The following SLC6A17 variants were observed in gnomAD, a reference collection of about 807,000 sequenced individuals.
The protein encoded by SLC6A17 is solute carrier family 6 member 17.
A neutral mutation model predicts 64.5 loss-of-function variants in SLC6A17; 21 were observed. The ratio of observed to expected loss-of-function variants is 0.33; its 90% CI spans 0.23 to 0.47. SLC6A17 has a LOEUF of 0.47. Ranked by LOEUF, SLC6A17 falls within the 20% of genes least tolerant of loss-of-function variation. The pLI, the probability that SLC6A17 is intolerant of heterozygous loss-of-function variation, is 1.00. For synonymous variants in SLC6A17, 372 were observed against 399.5 expected, an observed-to-expected ratio of 0.93 and a Z score of 0.82; for missense variants, 682 against 963.2, an observed-to-expected ratio of 0.71 and a Z score of 3.86.
intron 1 of SLC6A17, among the ~76,000 whole-genome samples, chr1:110,165,391 A>G (rs1332746557): frequency 6.6e-6 from 1 of 152,048 alleles, no homozygotes; most frequent in Non-Finnish European, 1.5e-5. Flanking sequence ...TCTTATAGGG[A>G]ATTCTGTGGT....
At chr1:110,159,911 A>G (rs77773301) in intron 1 of SLC6A17, among the ~76,000 whole-genome samples, 1 of 152,212 alleles carries the variant, frequency 6.6e-6, no homozygotes. Flanking sequence ...CCATCATATC[A>G]TATTTATCAT....
Position 110,172,236 on chromosome 1 carries a change from C to T in SLC6A17, c.444+19C>T, listed in dbSNP as rs759459907. 1 of 1,563,274 alleles carries T rather than the reference C, an allele frequency of 6.4e-7. No homozygotes were observed. The highest frequency in any genetic ancestry group is 8.6e-7 in the Non-Finnish European group (1 of 1,156,574). On this transcript the variant is annotated intron_variant, in intron 3 of 11. Transcript: ENST00000331565. ...CTGCATAGTGAGTCAAGGGCTGGGG[C>T]AGGCACTGAGTGGGAGGCAGGGGGC...
chr1:110,158,881 C>T (rs1182759252), intron 1 of SLC6A17, among the ~76,000 whole-genome samples: 1 of 152,156 alleles, frequency 6.6e-6, no homozygotes, highest in Admixed American at 6.5e-5. Context: ...CAATCAATAG[C>T]TGTTTCAAAA....
At chr1:110,158,099 C>G (rs4838930) in intron 1 of SLC6A17, among the ~76,000 whole-genome samples, 51,544 of 152,024 alleles carry the variant, frequency 0.34, 10,693 homozygotes, top group Non-Finnish European at 0.46. Flanking sequence ...CTATTTGTCC[C>G]TCTGCACTAG....
At chr1:110,160,206 A>G (rs1465851754) in intron 1 of SLC6A17, among the ~76,000 whole-genome samples, 4 of 152,228 alleles carry the variant, frequency 2.6e-5, no homozygotes, top group African/African-American at 7.2e-5. Context: ...GGCTCTCCCC[A>G]TGTGTGCTGC....
intron 1 of SLC6A17, among the ~76,000 whole-genome samples, chr1:110,153,519 A>ATGTGTGTG (rs3222731): frequency 1.4e-3 from 190 of 137,350 alleles, no homozygotes; most frequent in African/African-American, 3.6e-3. Context: ...GCTACTGGAA[A>ATGTGTGTG]TGTGTGTGTG....
intron 1 of SLC6A17, among the ~76,000 whole-genome samples, chr1:110,161,512 A>T (rs1655908219): frequency 6.6e-6 from 1 of 152,054 alleles, no homozygotes; most frequent in African/African-American, 2.4e-5. Flanking sequence ...GGGTAGCAGG[A>T]TCAGGAGCAC....
intron 1 of SLC6A17, among the ~76,000 whole-genome samples, chr1:110,165,598 G>A (rs1401835195): frequency 6.6e-6 from 1 of 152,202 alleles, no homozygotes; most frequent in Admixed American, 6.5e-5. Context: ...CATTACATGT[G>A]TAACAGGGCC....
At chr1:110,193,220 C>A (rs949332794) in intron 8 of SLC6A17, among the ~76,000 whole-genome samples, 4 of 152,118 alleles carry the variant, frequency 2.6e-5, no homozygotes, top group Non-Finnish European at 5.9e-5. Flanking sequence ...TTAGTTGGGT[C>A]CAAATCCAGT....
chr1:110,165,198 C>T (rs994974090), intron 1 of SLC6A17, among the ~76,000 whole-genome samples: 1 of 152,154 alleles, frequency 6.6e-6, no homozygotes, highest in Non-Finnish European at 1.5e-5. Context: ...AGGACACAGG[C>T]CTCTCCGTTG....
In SLC6A17 at chr1:110,198,191, T is replaced by A; in HGVS notation, c.1931T>A (p.Leu644His). Residue 644 changes from leucine to histidine, a missense_variant, in exon 12 of 12, where the codon CTC (leucine) becomes CAC (histidine). By Grantham distance (99) the Leu-to-His change is moderately conservative. Coordinates refer to ENST00000331565, the MANE Select transcript of SLC6A17 (RefSeq NM_001010898.4). ...TTCGTCCTGCGGCACTTCCACCTGCTCTCTGATGGCTCCAACACCCTCTCC... is the reference window on the plus strand; with the variant it reads ...TTCGTCCTGCGGCACTTCCACCTGCACTCTGATGGCTCCAACACCCTCTCC... ...VVFVLRHFHL[L>H]SDGSNTLSVS... 3 of 1,614,140 alleles carry A rather than the reference T, an allele frequency of 1.9e-6. No individual in the cohort carries two copies. The highest frequency in any genetic ancestry group is 2.5e-6 in the Non-Finnish European group (3 of 1,180,002).
intron 6 of SLC6A17, among the ~76,000 whole-genome samples, chr1:110,183,693 G>A (rs2100938919): frequency 6.6e-6 from 1 of 152,288 alleles, no homozygotes; most frequent in Non-Finnish European, 1.5e-5. Flanking sequence ...GGAAGAGTTG[G>A]TCTCAGCTAG....
chr1:110,196,748 A>G (rs960114206), intron 10 of SLC6A17, among the ~76,000 whole-genome samples: 3 of 152,208 alleles, frequency 2.0e-5, no homozygotes, highest in Non-Finnish European at 4.4e-5. Flanking sequence ...AGATCTAGCT[A>G]TAGATCTAAT....
chr1:110,152,763 G>A (rs1655643313), intron 1 of SLC6A17, among the ~76,000 whole-genome samples: 1 of 152,182 alleles, frequency 6.6e-6, no homozygotes, highest in African/African-American at 2.4e-5. Flanking sequence ...AAACAGGGAT[G>A]CCTATGATAT....
chr1:110,166,577 G>A (rs1656061289), intron 1 of SLC6A17, among the ~76,000 whole-genome samples: 1 of 152,210 alleles, frequency 6.6e-6, no homozygotes, highest in Non-Finnish European at 1.5e-5. Context: ...TGCTCTACTT[G>A]GGTTCGGAGT....
At chr1:110,198,005 A>C (rs149138466) in intron 11 of SLC6A17, 71 bp from the exon 12 acceptor site, 1 of 1,536,956 alleles carries the variant, frequency 6.5e-7, no homozygotes, top group Non-Finnish European at 8.7e-7. Context: ...GCAGGAGAGC[A>C]GTCTTGGAGG....
chr1:110,169,945 C>A (rs1656174286), intron 2 of SLC6A17, among the ~76,000 whole-genome samples: 1 of 152,176 alleles, frequency 6.6e-6, no homozygotes. Context: ...GTAGAGAGAC[C>A]TGCAGTCACT....
intron 6 of SLC6A17, among the ~76,000 whole-genome samples, chr1:110,184,025 A>G (rs1656608811): frequency 6.6e-6 from 1 of 152,164 alleles, no homozygotes; most frequent in Non-Finnish European, 1.5e-5. Flanking sequence ...CGCAACTCCA[A>G]GATAGACAGT....
intron 9 of SLC6A17, 182 bp downstream of exon 9, chr1:110,194,953 A>G: frequency 1.3e-6 from 1 of 751,022 alleles, no homozygotes; most frequent in African/African-American, 1.7e-5. Context: ...AGGAAGAGAA[A>G]GCTACTTGGA....
Sources: gnomAD v4.1 joint callset for allele counts (sites outside exome capture counted in the v4.1 genomes callset) on GRCh38, gnomAD v4.1.1 for gene constraint, MANE v1.5 for transcripts, NCBI Gene and HGNC (gene_info 2026-07-23, HGNC 2026-07-21) for gene names.